SPO11: variants seen among roughly 807,000 people sequenced by gnomAD.
The protein encoded by SPO11 is SPO11 initiator of meiotic double strand breaks, also known as meiotic recombination protein SPO11.
A neutral mutation model predicts 51.6 loss-of-function variants in SPO11; 49 were observed. The ratio of observed to expected loss-of-function variants is 0.95; its 90% CI spans 0.75 to 1.20. The LOEUF is 1.20. SPO11 is among the 50% of genes most tolerant of loss of function. The pLI, the probability that SPO11 is intolerant of heterozygous loss-of-function variation, is 0.00. For synonymous variants in SPO11, 176 were observed against 158.2 expected (o/e 1.11, Z -0.84); for missense variants, 431 against 473.4 (o/e 0.91, Z 0.83).
intron 5 of SPO11, 49 bp downstream of exon 5, chr20:57,334,144 T>C: frequency 2.0e-6 from 2 of 1,017,344 alleles, no homozygotes; most frequent in South Asian, 2.3e-5. Flanking sequence ...AAAATGTTTG[T>C]ATAAAACATA....
chr20:57,335,074 A>G (rs2066495795), intron 6 of SPO11, among the ~76,000 whole-genome samples: 1 of 152,222 alleles, frequency 6.6e-6, no homozygotes, highest in African/African-American at 2.4e-5. Context: ...ATGCACTATT[A>G]TTTTCAGATA....
intron 7 of SPO11, 116 bp downstream of exon 7, chr20:57,335,571 C>A: frequency 1.0e-6 from 1 of 976,926 alleles, no homozygotes; most frequent in South Asian, 1.6e-5. Context: ...CTGTAGCAGT[C>A]AAGATGAACA....
chr20:57,338,433 G>T, intron 9 of SPO11, 58 bp downstream of exon 9: 2 of 1,240,964 alleles, frequency 1.6e-6, no homozygotes, highest in African/African-American at 1.5e-5. Flanking sequence ...ATTTGTTGTT[G>T]TGTTTTCTTC....
chr20:57,334,657 G>A (rs2066489916), intron 5 of SPO11, 93 bp from the exon 6 acceptor site: 2 of 858,708 alleles, frequency 2.3e-6, no homozygotes, highest in Non-Finnish European at 3.6e-6. Flanking sequence ...AAGTGAAAAT[G>A]CCAGTAATTC....
At chr20:57,339,894 G>A (rs932558801) in intron 10 of SPO11, among the ~76,000 whole-genome samples, 5 of 152,114 alleles carry the variant, frequency 3.3e-5, no homozygotes, top group South Asian at 2.1e-4. Context: ...ATGAGCCACC[G>A]CACTTAACCC....
At chr20:57,334,526 T>C (rs932117828) in intron 5 of SPO11, among the ~76,000 whole-genome samples, 5 of 152,220 alleles carry the variant, frequency 3.3e-5, no homozygotes, top group Non-Finnish European at 7.3e-5. Context: ...TCACTATAAA[T>C]TTAAGTAATA....
intron 1 of SPO11, among the ~76,000 whole-genome samples, chr20:57,331,136 G>A (rs567472432): frequency 6.6e-6 from 1 of 152,238 alleles, no homozygotes; most frequent in African/African-American, 2.4e-5. Context: ...ATTTTTTGCA[G>A]CTGATGGCTT....
chr20:57,339,851 G>T (rs922065614), intron 10 of SPO11, among the ~76,000 whole-genome samples: 1 of 152,060 alleles, frequency 6.6e-6, no homozygotes, highest in Non-Finnish European at 1.5e-5. Context: ...CCATCCTCCC[G>T]CCTTGGTCTC....
Position 57,329,936 on chromosome 20 carries a change from G to A in SPO11, c.69G>A (p.Leu23=). The stretch of plus-strand genomic sequence containing the variant: ...TTTTGGACCGACACAGGGAGTCCCT[G>A]CTGGCTGCCCTGAGGAGAGGTGGCA... ...FDVLDRHRES[L]LAALRRGGRE... The change falls in exon 1 of 13, where the codon CTG becomes CTA. Residue 23 remains leucine (L), a synonymous_variant. Coordinates refer to ENST00000371263, the MANE Select transcript of SPO11 (RefSeq NM_012444.3). 1 of 1,613,604 alleles carries A rather than the reference G, an allele frequency of 6.2e-7. No homozygotes were observed. Among genetic ancestry groups the A allele is most frequent in the African/African-American group, 1.3e-5 (1 of 75,070 alleles).
chr20:57,331,969 T>A (rs1487995285), intron 2 of SPO11, 23 bp downstream of exon 2: 1 of 1,363,992 alleles, frequency 7.3e-7, no homozygotes, highest in African/African-American at 1.5e-5. Context: ...CATTTTTATT[T>A]TTTAAATGCA....
intron 2 of SPO11, among the ~76,000 whole-genome samples, chr20:57,332,741 T>C (rs959526379): frequency 6.6e-6 from 1 of 152,226 alleles, no homozygotes; most frequent in Non-Finnish European, 1.5e-5. Context: ...AAAATTGTTA[T>C]TTTATGTAAT....
rs773874276 is a variant in SPO11 at position 57,338,294 on chromosome 20, C to G, written c.763C>G (p.Leu255Val). The change falls in exon 9 of 13, where the codon CTA becomes GTA. Residue 255 changes from leucine (L) to valine (V), a missense_variant. This residue lies in a region of SPO11 where 405 missense variants were observed against 425.9 expected (regional missense o/e 0.95). Transcript: ENST00000371263. ...IMITGKGVPD[L>V]NTRLLVKKLW... is the part of the protein sequence containing the mutation. The stretch of plus-strand genomic sequence containing the variant: ...CTTTTAGGGAAAGGGAGTTCCTGAT[C>G]TAAACACAAGACTTTTAGTCAAGAA... 2.2e-5 allele frequency: 35 copies of G among 1,612,774 alleles called. No individual in the cohort carries two copies. Among genetic ancestry groups the G allele is most frequent in the Non-Finnish European group, 2.9e-5 (34 of 1,179,274 alleles).
At position 57,332,021 on chromosome 20, in the gene SPO11, G is replaced by T. The variant is rs537300124; in HGVS notation, c.245+75G>T. ...TAAAATTATTTGAATTAGAGTTCTG[G>T]TCATATTTTTTTCATTTTATTGCCT... On this transcript the variant is annotated intron_variant, in intron 2 of 12. Coordinates refer to ENST00000371263, the MANE Select transcript of SPO11 (RefSeq NM_012444.3). 2.6e-4 allele frequency: 239 copies of T among 923,678 alleles called. 2 individuals are homozygous for T. The South Asian group carries it at 5.3e-3, about 20-fold the overall frequency. The allele number at this position is 923,678 out of a possible 1,614,324, so 57.2% of individuals were successfully genotyped here.
intron 1 of SPO11, among the ~76,000 whole-genome samples, chr20:57,330,374 G>GT (rs995609822): frequency 8.6e-5 from 13 of 151,632 alleles, no homozygotes; most frequent in African/African-American, 2.2e-4. Context: ...AACTTTAAGG[G>GT]TTTTTTTTGG....
intron 8 of SPO11, among the ~76,000 whole-genome samples, chr20:57,337,499 G>T (rs1224285517): frequency 6.6e-6 from 1 of 152,132 alleles, no homozygotes; most frequent in Non-Finnish European, 1.5e-5. Flanking sequence ...GCCTAGCCCC[G>T]CAACTGCTGC....
Position 57,333,837 on chromosome 20 carries a change from G to T in SPO11, c.401+84G>T, listed in dbSNP as rs574908007. The T allele has an allele frequency of 5.0e-5, 50 of 1,003,152 alleles. No homozygotes were observed. In the South Asian group the frequency reaches 7.8e-4, roughly 16 times the overall value. The allele number at this position is 1,003,152 out of a possible 1,614,324, so 62.1% of individuals were successfully genotyped here. A position where few individuals can be genotyped will look rare whatever the true frequency, so the allele number is the denominator to read the frequency against. On this transcript the variant is annotated intron_variant, in intron 4 of 12. Transcript: ENST00000371263. ...TAACTTTTATTATATGCTTTGAAAAGTTACATAAGACTAAACTATAGCTCA... is the reference window on the plus strand; with the variant it reads ...TAACTTTTATTATATGCTTTGAAAATTTACATAAGACTAAACTATAGCTCA...
chr20:57,337,913 G>A, intron 8 of SPO11: 1 of 510,804 alleles, frequency 2.0e-6, no homozygotes, highest in Non-Finnish European at 3.0e-6. Context: ...TTGAGGTGGA[G>A]TTTCACTCTT....
intron 7 of SPO11, 80 bp downstream of exon 7, chr20:57,335,535 A>G (rs371863196): frequency 4.2e-6 from 6 of 1,414,982 alleles, no homozygotes; most frequent in Non-Finnish European, 5.9e-6. Context: ...CCAAGCCTTC[A>G]TAATGTGTAA....
intron 8 of SPO11, 107 bp downstream of exon 8, chr20:57,336,014 T>C (rs2066508278): frequency 4.7e-6 from 3 of 633,396 alleles, no homozygotes; most frequent in Admixed American, 6.4e-5. Flanking sequence ...TTCAATATAA[T>C]GCATCCTTTG....
Sources: allele counts gnomAD v4.1 joint callset (sites outside exome capture counted in the v4.1 genomes callset), GRCh38; gene constraint gnomAD v4.1.1; regional missense constraint gnomAD v4.1.1; transcripts MANE v1.5; gene names NCBI Gene and HGNC (gene_info 2026-07-23, HGNC 2026-07-21).